The following ITPRID2 variants were observed in gnomAD, a reference collection of about 807,000 sequenced individuals.
ITPRID2 encodes ITPR interacting domain containing 2.
Under a neutral mutation model 124.3 loss-of-function variants are expected in ITPRID2, and 60 were observed. The observed-to-expected ratio is 0.48, with a 90% CI of 0.39 to 0.60. ITPRID2 has a LOEUF of 0.60. Among genes scored for constraint, ITPRID2 ranks in the 20% least tolerant of loss-of-function variants. ITPRID2 has a pLI of 0.00. For missense variants in ITPRID2, 1,553 were observed against 1,512.2 expected (o/e 1.03, Z -0.45); for synonymous variants, 521 against 542.9 (o/e 0.96, Z 0.56).
chr2:181,899,150 C>A, intron 6 of ITPRID2, 38 bp downstream of exon 6: 1 of 1,371,932 alleles, frequency 7.3e-7, no homozygotes, highest in Non-Finnish European at 1.0e-6. Context: ...TTACATTGTG[C>A]TATAGATGAC....
rs1260971419 is a variant in ITPRID2 at position 181,892,687 on chromosome 2, C to T, written c.257+27C>T. On this transcript the variant is annotated intron_variant, in intron 2 of 17. Transcript: ENST00000431877. This position sits in a 1 kb window ranked among gnomAD's most constrained non-coding sequence, Gnocchi z 5.2. The stretch of plus-strand genomic sequence containing the variant: ...TGAGTGCTCCCTGGTCCGCCCGCGT[C>T]CCGGGGGAGATCCGTGCGGACGGGA... 3.5e-5 allele frequency: 56 copies of T among 1,613,682 alleles called. No homozygotes were observed. The highest frequency in any genetic ancestry group is 4.5e-5 in the Non-Finnish European group (53 of 1,179,892).
chr2:181,928,113 A>T, intron 16 of ITPRID2, 48 bp from the exon 17 acceptor site: 1 of 1,261,156 alleles, frequency 7.9e-7, no homozygotes, highest in Non-Finnish European at 1.1e-6. Context: ...GAAAAAATGA[A>T]TTCCATTCAT....
At position 181,891,858 on chromosome 2, in the gene ITPRID2, CAT is replaced by C; in HGVS notation, c.-208_-207del. ...GCTCCCGCGCGCGCCCGGCCGCCTTCATGTGAAGCGCCGGCCCTCCGCCCCTT... is the reference window on the plus strand; with the variant it reads ...GCTCCCGCGCGCGCCCGGCCGCCTTCGTGAAGCGCCGGCCCTCCGCCCCTT... On this transcript the variant is annotated 5_prime_UTR_variant, in exon 1 of 18. It removes an upstream start codon present in the reference 5' UTR. Transcript: ENST00000431877. 3.0e-6 allele frequency: 1 copy of C among 338,396 alleles called. No individual in the cohort carries two copies. The highest frequency in any genetic ancestry group is 5.5e-6 in the Non-Finnish European group (1 of 181,638). 21.0% of individuals were successfully genotyped at this position (338,396 alleles called of 1,614,324 possible).
intron 7 of ITPRID2, 106 bp from the exon 8 acceptor site, chr2:181,901,660 T>G: frequency 6.2e-6 from 5 of 802,408 alleles, no homozygotes; most frequent in Non-Finnish European, 8.8e-6. Context: ...ATAATCTTTG[T>G]GATCTAAGTG....
intron 6 of ITPRID2, 43 bp downstream of exon 6, chr2:181,899,155 G>T: frequency 1.5e-6 from 2 of 1,342,852 alleles, no homozygotes; most frequent in Non-Finnish European, 2.1e-6. Context: ...TTGTGCTATA[G>T]ATGACCTACT....
Position 181,901,850 on chromosome 2 carries a change from A to G in ITPRID2, c.797A>G (p.Gln266Arg), listed in dbSNP as rs759081235. The change falls in exon 8 of 18, where the codon CAG becomes CGG. Residue 266 changes from glutamine (Q) to arginine (R), a missense_variant. Transcript: ENST00000431877. ...LYSQVSGTPL[Q>R]RIGSMSSVTS... ...TCTCAAGTCTCCGGGACGCCCCTGC[A>G]GAGAATTGGAAGTATGTCCTCAGTG... 6.2e-7 allele frequency: 1 copy of G among 1,613,916 alleles called. No homozygotes were observed. Among genetic ancestry groups the G allele is most frequent in the Non-Finnish European group, 8.5e-7 (1 of 1,179,858 alleles).
rs761238500 is a variant in ITPRID2, at chr2:181,916,204, A to G, written c.2564A>G (p.Glu855Gly). 1.5e-5 allele frequency: 24 copies of G among 1,614,052 alleles called. No individual in the cohort carries two copies. The highest frequency in any genetic ancestry group is 2.0e-5 in the Non-Finnish European group (24 of 1,180,034). Reference sequence around the variant, plus strand: ...CATTCCATCCACTCTGAGTGGCAAGAAAGGCCCCTGTGTGAGCACACAAGA... The same window carrying G: ...CATTCCATCCACTCTGAGTGGCAAGGAAGGCCCCTGTGTGAGCACACAAGA... Reference protein sequence around the residue: ...SLHSIHSEWQERPLCEHTRTL... With the variant: ...SLHSIHSEWQGRPLCEHTRTL... The change falls in exon 11 of 18, where the codon GAA becomes GGA. Residue 855 changes from glutamate (E) to glycine (G), a missense_variant. By Grantham distance (98) the Glu-to-Gly change is moderately conservative. Coordinates refer to ENST00000431877, the MANE Select transcript of ITPRID2 (RefSeq NM_001130445.3).
Position 181,913,872 on chromosome 2 carries a change from A to G in ITPRID2, c.1514A>G (p.His505Arg). 6.2e-7 allele frequency: 1 copy of G among 1,613,398 alleles called. No individual in the cohort carries two copies. Among genetic ancestry groups the G allele is most frequent in the East Asian group, 2.2e-5 (1 of 44,764 alleles). Residue 505 changes from histidine to arginine, a missense_variant, in exon 10 of 18, where the codon CAT becomes CGT. By Grantham distance (29) the His-to-Arg change is conservative. Coordinates refer to ENST00000431877, the MANE Select transcript of ITPRID2 (RefSeq NM_001130445.3). ...RDHLLRTASQ[H>R]SDSSGFAEDS... ...CATCTGTTACGTACTGCAAGTCAGC[A>G]TTCCGATAGCAGTGGTTTTGCTGAA...
chr2:181,913,858 T>C lies in ITPRID2; in HGVS notation c.1500T>C (p.Arg500=), dbSNP rs183146818. Residue 500 remains arginine (R), a synonymous_variant, in exon 10 of 18, where the codon CGT becomes CGC. Transcript: ENST00000431877. ...TTTTATTCATAGATCATCTGTTACG[T>C]ACTGCAAGTCAGCATTCCGATAGCA... ...LTKSKRDHLL[R]TASQHSDSSG... The C allele has an allele frequency of 3.7e-6, 6 of 1,612,882 alleles. No homozygotes were observed. In the East Asian group the frequency reaches 1.3e-4, roughly 36 times the overall value.
intron 8 of ITPRID2, among the ~76,000 whole-genome samples, chr2:181,909,225 C>T (rs1353967224): frequency 6.6e-6 from 1 of 152,146 alleles, no homozygotes; most frequent in Non-Finnish European, 1.5e-5. Context: ...TTTCCACATA[C>T]AGCTCCCAAG....
At position 181,916,180 on chromosome 2, in the gene ITPRID2, A is replaced by T; in HGVS notation, c.2540A>T (p.His847Leu). 1 of 1,614,188 alleles carries T rather than the reference A, an allele frequency of 6.2e-7. No homozygotes were observed. The stretch of plus-strand genomic sequence containing the variant: ...ATGTCTCAGTCTACCTGTTCCCTTC[A>T]TTCCATCCACTCTGAGTGGCAAGAA... The part of the protein sequence containing the change: ...PPMSQSTCSL[H>L]SIHSEWQERP... The change falls in exon 11 of 18, where the codon CAT becomes CTT. Residue 847 changes from histidine to leucine, a missense_variant. His to Leu is a moderately conservative substitution (Grantham distance 99, BLOSUM62 -3). Coordinates refer to ENST00000431877, the MANE Select transcript of ITPRID2 (RefSeq NM_001130445.3).
chr2:181,906,612 T>C (rs1693144855), intron 8 of ITPRID2, among the ~76,000 whole-genome samples: 2 of 151,990 alleles, frequency 1.3e-5, no homozygotes, highest in Non-Finnish European at 2.9e-5. Context: ...TGGTGGTGCA[T>C]GTCTGTAGTC....
At chr2:181,908,908 T>C in intron 8 of ITPRID2, among the ~76,000 whole-genome samples, 1 of 152,248 alleles carries the variant, frequency 6.6e-6, no homozygotes, top group Middle Eastern at 3.4e-3. Context: ...TACCACACTT[T>C]ACTAGGATGT....
chr2:181,915,707 C>T lies in ITPRID2; in HGVS notation c.2067C>T (p.Asp689=). The T allele has an allele frequency of 6.2e-7, 1 of 1,614,138 alleles. No homozygotes were observed. Residue 689 remains aspartate (D), a synonymous_variant, in exon 11 of 18, where the codon GAC becomes GAT. Transcript: ENST00000431877. The part of the protein sequence containing the change: ...ENTTGPPSSM[D]RVNTALQRAQ... The stretch of plus-strand genomic sequence containing the variant: ...CAACTGGGCCTCCCTCTTCCATGGA[C>T]AGAGTTAATACAGCTTTGCAAAGAG...
chr2:181,913,224 C>G (rs953113837), intron 9 of ITPRID2, among the ~76,000 whole-genome samples: 1 of 152,058 alleles, frequency 6.6e-6, no homozygotes, highest in Non-Finnish European at 1.5e-5. Flanking sequence ...CCCGCTACCA[C>G]GCCTGGCTAA....
rs771040412 is a variant in ITPRID2, at chr2:181,916,013, T to C, written c.2373T>C (p.Asp791=). 1.9e-6 allele frequency: 3 copies of C among 1,614,084 alleles called. No individual in the cohort carries two copies. In the Admixed American group the frequency reaches 5.0e-5, roughly 27 times the overall value. Residue 791 remains aspartate (D), a synonymous_variant, in exon 11 of 18, where the codon GAT becomes GAC. Transcript: ENST00000431877. ...TGGAAAAGCGGGTGATGGAACATGA[T>C]GGTCAGTCTTTAGTTAAATCGACCA... is the stretch of plus-strand genomic sequence containing the variant. The part of the protein sequence containing the change: ...QELEKRVMEH[D]GQSLVKSTIF...
Position 181,891,958 on chromosome 2 carries a change from T to A in ITPRID2, c.-109T>A, listed in dbSNP as rs1691727816. 3.8e-6 allele frequency: 3 copies of A among 795,918 alleles called. No homozygotes were observed. The South Asian group carries it at 5.4e-5, about 14-fold the overall frequency. The allele number at this position is 795,918 out of a possible 1,614,324, so 49.3% of individuals were successfully genotyped here. The stretch of plus-strand genomic sequence containing the variant: ...CTCCTCCTCCGGCGCCCGCTTCAGC[T>A]CCCCGGGGCCCCCTGCCCGGCCGGG... On this transcript the variant is annotated 5_prime_UTR_variant, in exon 1 of 18. Coordinates refer to ENST00000431877, the MANE Select transcript of ITPRID2 (RefSeq NM_001130445.3).
chr2:181,913,695 A>G, intron 9 of ITPRID2, 150 bp from the exon 10 acceptor site: 1 of 532,828 alleles, frequency 1.9e-6, no homozygotes, highest in Non-Finnish European at 3.2e-6. Flanking sequence ...TAAGTAATGC[A>G]TATTTTTCTA....
intron 12 of ITPRID2, 23 bp from the exon 13 acceptor site, chr2:181,918,732 A>G (rs746250098): frequency 6.2e-7 from 1 of 1,613,734 alleles, no homozygotes; most frequent in East Asian, 2.2e-5. Context: ...TTAGAAGTGT[A>G]ATTTTGTTAT....
Sources: allele counts gnomAD v4.1 joint callset (sites outside exome capture counted in the v4.1 genomes callset), GRCh38; gene constraint gnomAD v4.1.1; non-coding constraint Gnocchi (gnomAD v3.1); transcripts MANE v1.5; gene names NCBI Gene and HGNC (gene_info 2026-07-23, HGNC 2026-07-21).